Variants in CNTN4 observed in about 807,000 individuals in gnomAD.
CNTN4 encodes contactin 4.
A neutral mutation model predicts 122.5 loss-of-function variants in CNTN4; 77 were observed. That is an observed-to-expected ratio of 0.63 (90% CI 0.52 to 0.76). CNTN4 has a LOEUF of 0.76. Ranked by LOEUF, CNTN4 falls within the 30% of genes least tolerant of loss-of-function variation. The pLI, the probability that CNTN4 is intolerant of heterozygous loss-of-function variation, is 0.00. For synonymous variants in CNTN4, 512 were observed against 447.0 expected, an observed-to-expected ratio of 1.15 and a Z score of -1.83; for missense variants, 1,256 against 1,259.1, an observed-to-expected ratio of 1.00 and a Z score of 0.04.
At chr3:2,652,923 C>T (rs1193458294) in intron 4 of CNTN4, among the ~76,000 whole-genome samples, 4 of 151,954 alleles carry the variant, frequency 2.6e-5, no homozygotes, top group African/African-American at 7.3e-5. Flanking sequence ...CTTGTAAATC[C>T]TTGTCCTTTG....
At chr3:2,201,647 AG>A (rs1399341568) in intron 2 of CNTN4, among the ~76,000 whole-genome samples, 2 of 152,196 alleles carry the variant, frequency 1.3e-5, no homozygotes, top group Non-Finnish European at 2.9e-5. Context: ...CAGGTCCAGC[AG>A]GCAGCTAGAA....
intron 3 of CNTN4, among the ~76,000 whole-genome samples, chr3:2,521,444 T>A (rs1188659651): frequency 6.7e-6 from 1 of 148,358 alleles, no homozygotes; most frequent in African/African-American, 2.5e-5. Context: ...TGAAACCTAT[T>A]TATAACTTCT....
chr3:2,713,442 A>G (rs1257933861), intron 4 of CNTN4, among the ~76,000 whole-genome samples: 2 of 152,230 alleles, frequency 1.3e-5, no homozygotes, highest in South Asian at 2.1e-4. Context: ...TTGAACAAAA[A>G]GGGGCATGAT....
intron 2 of CNTN4, among the ~76,000 whole-genome samples, chr3:2,269,017 A>G (rs2041164049): frequency 6.6e-6 from 1 of 152,172 alleles, no homozygotes; most frequent in Non-Finnish European, 1.5e-5. Context: ...CAGATTAACC[A>G]AATAGGCATC....
At chr3:2,277,103 G>A (rs555152038) in intron 2 of CNTN4, among the ~76,000 whole-genome samples, 1 of 152,230 alleles carries the variant, frequency 6.6e-6, no homozygotes, top group South Asian at 2.1e-4. Context: ...CAAGAGAGGA[G>A]GAGGGAGATA....
chr3:2,822,678 G>A (rs2092902901), intron 7 of CNTN4, among the ~76,000 whole-genome samples: 1 of 152,182 alleles, frequency 6.6e-6, no homozygotes, highest in Admixed American at 6.5e-5. Flanking sequence ...CCGATATAAT[G>A]ATCTCTTTAG....
chr3:2,430,616 C>CAAAAAAAA (rs10662868), intron 3 of CNTN4, among the ~76,000 whole-genome samples: 1 of 103,348 alleles, frequency 9.7e-6, no homozygotes, highest in Non-Finnish European at 1.9e-5. Flanking sequence ...AGCAAATTAC[C>CAAAAAAAA]AAAAAAAAAA....
chr3:2,581,794 A>G (rs745536913), intron 4 of CNTN4, among the ~76,000 whole-genome samples: 2 of 152,234 alleles, frequency 1.3e-5, no homozygotes, highest in African/African-American at 2.4e-5. Flanking sequence ...TGGTAGTCCC[A>G]TACAGTGGAA....
In CNTN4 at chr3:2,347,410, C is replaced by CT. The variant is rs10664705; in HGVS notation, c.-89+8195dup. Among the ~76,000 whole-genome samples the CT allele has an allele frequency of 2.5e-3, 282 of 113,118 alleles. 9 individuals carry two copies. The highest frequency in any genetic ancestry group is 6.7e-3 in the African/African-American group (200 of 30,058). 74.2% of individuals were successfully genotyped at this position (113,118 alleles called of 152,430 possible). A position where few individuals can be genotyped will look rare whatever the true frequency, so the allele number is the denominator to read the frequency against. ...TCCAAAGGCTATAAGGAAATACAAT[C>CT]TTTTTTTTTTTTTTTTTTGGAGACA... is the stretch of plus-strand genomic sequence containing the variant. On this transcript the variant is annotated intron_variant, in intron 3 of 24. Transcript: ENST00000418658.
intron 12 of CNTN4, among the ~76,000 whole-genome samples, chr3:2,917,334 A>G (rs6442764): frequency 0.98 from 149,112 of 151,744 alleles, 73,318 homozygotes; most frequent in East Asian, 1. Flanking sequence ...TGGAAAGCGG[A>G]ATAGGGAGAG....
chr3:2,960,707 T>G (rs2094844035), intron 13 of CNTN4, among the ~76,000 whole-genome samples: 1 of 152,192 alleles, frequency 6.6e-6, no homozygotes, highest in African/African-American at 2.4e-5. Context: ...AATGTGTTAG[T>G]TGAATCCAGG....
intron 10 of CNTN4, among the ~76,000 whole-genome samples, chr3:2,889,175 AC>A (rs2094010513): frequency 6.6e-6 from 1 of 151,964 alleles, no homozygotes; most frequent in South Asian, 2.1e-4. Context: ...GCCTTCAATG[AC>A]CTCCCCTAAG....
intron 13 of CNTN4, among the ~76,000 whole-genome samples, chr3:2,954,725 G>A (rs1440878263): frequency 3.3e-5 from 5 of 152,068 alleles, no homozygotes; most frequent in South Asian, 2.1e-4. Context: ...TGGTAGTCAC[G>A]CAATCTGGAC....
intron 1 of CNTN4, among the ~76,000 whole-genome samples, chr3:2,100,227 T>G (rs1336605285): frequency 6.6e-6 from 1 of 152,170 alleles, no homozygotes; most frequent in African/African-American, 2.4e-5. Context: ...CTTTTTCTAG[T>G]TTTCCTGCTG....
At chr3:2,854,269 T>TTC (rs1491143932) in intron 7 of CNTN4, among the ~76,000 whole-genome samples, 1 of 9,866 alleles carries the variant, frequency 1.0e-4, no homozygotes, top group Non-Finnish European at 2.4e-4. Context: ...TTTCTTCTTC[T>TTC]TTTTTTTTTT....
intron 4 of CNTN4, among the ~76,000 whole-genome samples, chr3:2,704,638 T>C (rs111945090): frequency 0.017 from 2,533 of 152,244 alleles, 72 homozygotes; most frequent in African/African-American, 0.057. Flanking sequence ...GCAGGACTTG[T>C]TCAAAAACAG....
At chr3:2,513,693 G>C (rs1310164645) in intron 3 of CNTN4, among the ~76,000 whole-genome samples, 1 of 152,074 alleles carries the variant, frequency 6.6e-6, no homozygotes, top group Non-Finnish European at 1.5e-5. Context: ...GTATTTGCAA[G>C]ATTTGTAGTT....
intron 2 of CNTN4, among the ~76,000 whole-genome samples, chr3:2,113,486 T>C (rs898640351): frequency 1.3e-5 from 2 of 152,230 alleles, no homozygotes; most frequent in African/African-American, 4.8e-5. Context: ...ATTTTCATTT[T>C]ATCAGTTGAT....
intron 4 of CNTN4, among the ~76,000 whole-genome samples, chr3:2,597,317 G>A (rs57743428): frequency 0.097 from 14,707 of 152,134 alleles, 932 homozygotes; most frequent in South Asian, 0.31. Flanking sequence ...CAAAGGAAGG[G>A]GTAATGCCTC....
Sources: gnomAD v4.1 joint callset for allele counts (sites outside exome capture counted in the v4.1 genomes callset) on GRCh38, gnomAD v4.1.1 for gene constraint, MANE v1.5 for transcripts, NCBI Gene and HGNC (gene_info 2026-07-23, HGNC 2026-07-21) for gene names.